The following CYP11B1 variants were observed in gnomAD, a reference collection of about 807,000 sequenced individuals.
CYP11B1 encodes cytochrome P450 family 11 subfamily B member 1.
A neutral mutation model predicts 48.3 loss-of-function variants in CYP11B1; 34 were observed. That is an observed-to-expected ratio of 0.70 (90% CI 0.54 to 0.94). CYP11B1 has a LOEUF of 0.94. Ranked by LOEUF, CYP11B1 falls within the 40% of genes least tolerant of loss-of-function variation. The pLI is 0.00. For synonymous variants in CYP11B1, 291 were observed against 262.5 expected, an observed-to-expected ratio of 1.11 and a Z score of -1.05; for missense variants, 688 against 657.4, an observed-to-expected ratio of 1.05 and a Z score of -0.51.
At chr8:142,879,510 G>C (rs1194658529) in intron 1 of CYP11B1, 65 bp downstream of exon 1, 19 of 1,614,112 alleles carry the variant, frequency 1.2e-5, no homozygotes, top group Non-Finnish European at 1.5e-5. Flanking sequence ...TGAGTGCCCG[G>C]CAGGGTCCTG....
At position 142,875,786 on chromosome 8, in the gene CYP11B1, G is replaced by C. The variant is rs61752767; in HGVS notation, c.1047C>G (p.Ala349=). ...ALRQESLAAA[A]SISEHPQKAT... is the part of the protein sequence containing the mutation. ...CCTTCTGGGGATGTTCACTGATGCT[G>C]GCTGCGGCGGCCAGGCTCTCCTGGC... is the stretch of plus-strand genomic sequence containing the variant. The change falls in exon 6 of 9, where the codon GCC becomes GCG. Residue 349 remains alanine (A), a synonymous_variant. Coordinates refer to ENST00000292427, the MANE Select transcript of CYP11B1 (RefSeq NM_000497.4). 41 of 1,614,090 alleles carry C rather than the reference G, an allele frequency of 2.5e-5. No individual in the cohort carries two copies. The African/African-American group carries it at 4.3e-4, about 17-fold the overall frequency.
intron 8 of CYP11B1, 105 bp downstream of exon 8, chr8:142,874,847 GGAAAC>G: frequency 7.3e-7 from 1 of 1,376,688 alleles, no homozygotes; most frequent in Non-Finnish European, 1.0e-6. Flanking sequence ...GCCCAGTCCA[GGAAAC>G]ATGCAGGCCA....
In CYP11B1 at chr8:142,877,059, C is replaced by T. The variant is rs377366635; in HGVS notation, c.559G>A (p.Asp187Asn). The T allele has an allele frequency of 2.5e-5, 41 of 1,613,826 alleles. No individual in the cohort carries two copies. Among genetic ancestry groups the T allele is most frequent in the Admixed American group, 8.3e-5 (5 of 59,964 alleles). ...LQNARGSLTL[D>N]VQPSIFHYTI... Reference sequence around the variant, plus strand: ...TAGTGGAAGATGCTGGGCTGGACGTCCAGGGTCAGGCTCCCCCGGGCGTTC... The same window carrying T: ...TAGTGGAAGATGCTGGGCTGGACGTTCAGGGTCAGGCTCCCCCGGGCGTTC... The change falls in exon 3 of 9, where the codon GAC becomes AAC. Residue 187 changes from aspartate to asparagine, a missense_variant. Coordinates refer to ENST00000292427, the MANE Select transcript of CYP11B1 (RefSeq NM_000497.4).
chr8:142,876,043 A>C (rs1188373339), intron 5 of CYP11B1, 165 bp from the exon 6 acceptor site: 4 of 1,111,274 alleles, frequency 3.6e-6, no homozygotes, highest in Non-Finnish European at 5.3e-6. Context: ...CCTTTCCCTG[A>C]GTCCTCCACA....
chr8:142,876,339 A>T lies in CYP11B1; in HGVS notation c.856T>A (p.Tyr286Asn). 2 of 1,614,178 alleles carry T rather than the reference A, an allele frequency of 1.2e-6. No individual in the cohort carries two copies. The highest frequency in any genetic ancestry group is 1.7e-6 in the Non-Finnish European group (2 of 1,180,022). ...AGGAGCTCCGCCACGATGCTGGTGT[A>T]CTGTTGAGGGCGGCTGAAGGCCAGT... ...QELAFSRPQQ[Y>N]TSIVAELLLN... Residue 286 changes from tyrosine (Y) to asparagine (N), a missense_variant, in exon 5 of 9, where the codon TAC (tyrosine) becomes AAC (asparagine). Tyr to Asn is a moderately radical substitution (Grantham distance 143, BLOSUM62 -2). Coordinates refer to ENST00000292427, the MANE Select transcript of CYP11B1 (RefSeq NM_000497.4).
In CYP11B1 at chr8:142,873,942, G is replaced by T. The variant is rs576367127; in HGVS notation, c.*431C>A. On this transcript the variant is annotated 3_prime_UTR_variant, in exon 9 of 9. Transcript: ENST00000292427. ...GAACTTGACTGGACTCTGAGATGCT[G>T]GGATCCCGCTTAATGACTCTGACAG... 3.7e-6 allele frequency: 1 copy of T among 270,958 alleles called. No individual in the cohort carries two copies. Among genetic ancestry groups the T allele is most frequent in the Non-Finnish European group, 7.3e-6 (1 of 136,618 alleles). The allele number at this position is 270,958 out of a possible 1,614,324, so 16.8% of individuals were successfully genotyped here.
At chr8:142,878,683 A>G (rs189387135) in intron 2 of CYP11B1, among the ~76,000 whole-genome samples, 1,859 of 140,632 alleles carry the variant, frequency 0.013, 30 homozygotes, top group African/African-American at 0.044. Context: ...CAGTGGGAGT[A>G]CCCTTCTCAG....
intron 1 of CYP11B1, 167 bp from the exon 2 acceptor site, chr8:142,879,354 C>T: frequency 6.2e-6 from 10 of 1,607,730 alleles, no homozygotes; most frequent in African/African-American, 1.3e-5. Flanking sequence ...ACTTCAGTGC[C>T]TCTGAGTCCT....
At chr8:142,877,834 T>G (rs7818826) in intron 2 of CYP11B1, 1 of 1,543,432 alleles carries the variant, frequency 6.5e-7, no homozygotes. Flanking sequence ...CAGCCACATT[T>G]CTGCAAAACT....
rs148066255 is a variant in CYP11B1 at position 142,876,744 on chromosome 8, C to G, written c.737G>C (p.Arg246Pro). 7 of 1,614,022 alleles carry G rather than the reference C, an allele frequency of 4.3e-6. No individual in the cohort carries two copies. The highest frequency in any genetic ancestry group is 5.9e-6 in the Non-Finnish European group (7 of 1,179,990). ...CTTCCACACCTTGGGGCTGGTCCAGCGAGACAGGCTCCTGGGCATGAACAT... is the reference window on the plus strand; with the variant it reads ...CTTCCACACCTTGGGGCTGGTCCAGGGAGACAGGCTCCTGGGCATGAACAT... ...QLMFMPRSLSRWTSPKVWKEH... is the reference protein window; with the variant it reads ...QLMFMPRSLSPWTSPKVWKEH... The change falls in exon 4 of 9, where the codon CGC (arginine) becomes CCC (proline). Residue 246 changes from arginine (R) to proline (P), a missense_variant. Physicochemically the swap from Arg to Pro is moderately radical, Grantham distance 103. Transcript: ENST00000292427.
Position 142,876,684 on chromosome 8 carries a change from T to A in CYP11B1, c.797A>T (p.Tyr266Phe), listed in dbSNP as rs1816962239. ...HFEAWDCIFQ[Y>F]GDNCIQKIYQ... ...ACTGCCCGGGTCCCTGGCCTCACCG[T>A]ACTGGAAGATGCAGTCCCAGGCCTC... Residue 266 changes from tyrosine (Y) to phenylalanine (F), a missense_variant and splice_region_variant, in exon 4 of 9, where the codon TAC becomes TTC. Tyr to Phe is a conservative substitution (Grantham distance 22). Coordinates refer to ENST00000292427, the MANE Select transcript of CYP11B1 (RefSeq NM_000497.4). The A allele has an allele frequency of 6.2e-7, 1 of 1,609,832 alleles. No individual in the cohort carries two copies. Among genetic ancestry groups the A allele is most frequent in the East Asian group, 2.2e-5 (1 of 44,620 alleles).
chr8:142,876,314 A>C lies in CYP11B1; in HGVS notation c.881T>G (p.Leu294Arg). ...QQYTSIVAEL[L>R]LNAELSPDAI... ...ATCTGGCGACAGTTCCGCATTCAAC[A>C]GGAGCTCCGCCACGATGCTGGTGTA... The change falls in exon 5 of 9, where the codon CTG becomes CGG. Residue 294 changes from leucine (L) to arginine (R), a missense_variant. Leu to Arg is a moderately radical substitution (Grantham distance 102). Transcript: ENST00000292427. 1.2e-6 allele frequency: 2 copies of C among 1,614,196 alleles called. No homozygotes were observed. The highest frequency in any genetic ancestry group is 1.7e-6 in the Non-Finnish European group (2 of 1,180,026).
intron 2 of CYP11B1, 93 bp from the exon 3 acceptor site, chr8:142,877,315 C>A (rs61751142): frequency 2.4e-6 from 3 of 1,247,484 alleles, no homozygotes; most frequent in Non-Finnish European, 2.3e-6. Context: ...GGGGAATCGG[C>A]CTGCAGGGAG....
chr8:142,875,709 C>T lies in CYP11B1; in HGVS notation c.1121+3G>A. The T allele has an allele frequency of 6.2e-7, 1 of 1,613,710 alleles. No individual in the cohort carries two copies. Among genetic ancestry groups the T allele is most frequent in the Non-Finnish European group, 8.5e-7 (1 of 1,179,898 alleles). ...CCACAGGGAGGCCTCAGCCAGCACCCACCGCAAGGTCTCCTTGAGGGCCGC... is the reference window on the plus strand; with the variant it reads ...CCACAGGGAGGCCTCAGCCAGCACCTACCGCAAGGTCTCCTTGAGGGCCGC... On this transcript the variant is annotated splice_donor_region_variant and intron_variant, in intron 6 of 8. Coordinates refer to ENST00000292427, the MANE Select transcript of CYP11B1 (RefSeq NM_000497.4).
chr8:142,878,858 C>T (rs1395683574), intron 2 of CYP11B1, among the ~76,000 whole-genome samples, 174 bp downstream of exon 2: 1 of 152,194 alleles, frequency 6.6e-6, no homozygotes, highest in Non-Finnish European at 1.5e-5. Flanking sequence ...CCCTGCTTCC[C>T]CAACCCACAG....
At chr8:142,875,179 C>G in intron 7 of CYP11B1, 25 bp from the exon 8 acceptor site, 2 of 1,614,216 alleles carry the variant, frequency 1.2e-6, no homozygotes, top group Non-Finnish European at 1.7e-6. Context: ...GAGCGGGGAT[C>G]AGGGAATGAC....
At chr8:142,876,475 C>T in intron 4 of CYP11B1, 80 bp from the exon 5 acceptor site, 1 of 1,547,258 alleles carries the variant, frequency 6.5e-7, no homozygotes, top group South Asian at 1.2e-5. Flanking sequence ...CCCAGACTGC[C>T]CCGACACCCA....
At chr8:142,878,222 C>G (rs1253516993) in intron 2 of CYP11B1, among the ~76,000 whole-genome samples, 3 of 152,190 alleles carry the variant, frequency 2.0e-5, no homozygotes, top group African/African-American at 7.2e-5. Flanking sequence ...TCCTGACTCC[C>G]TCCCAGATGT....
Position 142,872,862 on chromosome 8 carries a change from G to T in CYP11B1, c.*1511C>A, listed in dbSNP as rs1033272486. 3.3e-5 allele frequency: 5 copies of T among 152,172 alleles called. No homozygotes were observed. Among genetic ancestry groups the T allele is most frequent in the African/African-American group, 1.2e-4 (5 of 41,434 alleles). 9.4% of individuals were successfully genotyped at this position (152,172 alleles called of 1,614,324 possible). ...CAGTGCCCTCTTGAATGGAACTGGC[G>T]TCCTTATAAAAGAGGTCTCTGTGAG... On this transcript the variant is annotated 3_prime_UTR_variant, in exon 9 of 9. Coordinates refer to ENST00000292427, the MANE Select transcript of CYP11B1 (RefSeq NM_000497.4).
Sources: allele counts gnomAD v4.1 joint callset (sites outside exome capture counted in the v4.1 genomes callset), GRCh38; gene constraint gnomAD v4.1.1; transcripts MANE v1.5; gene names NCBI Gene and HGNC (gene_info 2026-07-23, HGNC 2026-07-21).